Variants in TAF3 observed in about 807,000 individuals in gnomAD.
TAF3 encodes transcription initiation factor TFIID subunit 3.
In TAF3, 7 loss-of-function variants were observed where a neutral mutation model predicts 80.6. The observed-to-expected ratio is 0.09, with a 90% CI of 0.05 to 0.16. TAF3 has a LOEUF of 0.16. TAF3 is among the 10% of genes least tolerant of loss of function. TAF3 has a pLI of 1.00. For synonymous variants in TAF3, 444 were observed against 446.1 expected, an observed-to-expected ratio of 1.00 and a Z score of 0.06; for missense variants, 921 against 1,140.2, an observed-to-expected ratio of 0.81 and a Z score of 2.77.
chr10:7,996,891 C>G (rs970978755), intron 4 of TAF3, among the ~76,000 whole-genome samples: 1 of 149,334 alleles, frequency 6.7e-6, no homozygotes. Context: ...ACGAGGTTTC[C>G]CTATGTTGCC....
intron 2 of TAF3, among the ~76,000 whole-genome samples, chr10:7,956,656 A>G (rs1838138816): frequency 6.6e-6 from 1 of 152,216 alleles, no homozygotes; most frequent in Non-Finnish European, 1.5e-5. Context: ...GTGAATCTCT[A>G]GCTGTGGTGA....
chr10:7,885,669 CTT>C (rs2131158482), intron 2 of TAF3, among the ~76,000 whole-genome samples: 1 of 152,248 alleles, frequency 6.6e-6, no homozygotes, highest in South Asian at 2.1e-4. Context: ...CTTTCTGTGC[CTT>C]TTTGTTACTT....
intron 2 of TAF3, among the ~76,000 whole-genome samples, chr10:7,933,222 C>T (rs769766088): frequency 5.3e-5 from 8 of 152,056 alleles, no homozygotes; most frequent in Non-Finnish European, 7.4e-5. Context: ...GGAATGCAAA[C>T]GCTATGGCAT....
chr10:7,890,577 ACT>A (rs1382773603), intron 2 of TAF3, among the ~76,000 whole-genome samples: 2 of 152,130 alleles, frequency 1.3e-5, no homozygotes, highest in African/African-American at 4.8e-5. Flanking sequence ...TACAGTCAAG[ACT>A]CTTTCTGTGA....
chr10:7,982,598 C>T (rs1479710772), intron 4 of TAF3, among the ~76,000 whole-genome samples: 1 of 152,152 alleles, frequency 6.6e-6, no homozygotes, highest in African/African-American at 2.4e-5. Flanking sequence ...TGGGGTTTCA[C>T]CATGTTGCCC....
rs79484260 is a variant in TAF3 at position 7,968,775 on chromosome 10, T to C, written c.2232+3033T>C. Among the ~76,000 whole-genome samples, 412 of 152,326 alleles carry C rather than the reference T, an allele frequency of 2.7e-3. 4 individuals carry two copies. The highest frequency in any genetic ancestry group is 9.2e-3 in the African/African-American group (384 of 41,578). On this transcript the variant is annotated intron_variant, in intron 3 of 6. Coordinates refer to ENST00000344293, the MANE Select transcript of TAF3 (RefSeq NM_031923.4). The stretch of plus-strand genomic sequence containing the variant: ...TTTCAATCCAGGCTGTCAGATGCTA[T>C]AATTTATGGTCCTCACTACCACACT...
At chr10:7,934,594 G>A (rs1588557408) in intron 2 of TAF3, among the ~76,000 whole-genome samples, 3 of 152,086 alleles carry the variant, frequency 2.0e-5, no homozygotes, top group African/African-American at 2.4e-5. Context: ...ACAAGCACCC[G>A]CCACCACGCC....
At chr10:7,962,775 A>C (rs969967383) in intron 2 of TAF3, among the ~76,000 whole-genome samples, 1 of 152,202 alleles carries the variant, frequency 6.6e-6, no homozygotes, top group African/African-American at 2.4e-5. Context: ...TGTGGCACTG[A>C]TCACTTTCTG....
At chr10:7,827,356 G>T (rs977919582) in intron 2 of TAF3, among the ~76,000 whole-genome samples, 5 of 152,138 alleles carry the variant, frequency 3.3e-5, no homozygotes, top group African/African-American at 9.7e-5. Context: ...TATAAAATTG[G>T]ACAGTGTTTA....
intron 2 of TAF3, among the ~76,000 whole-genome samples, chr10:7,830,587 G>A (rs758142881): frequency 2.9e-5 from 4 of 139,292 alleles, no homozygotes; most frequent in African/African-American, 7.9e-5. Flanking sequence ...GGGTTCAAGC[G>A]ATTCTCCTGC....
intron 4 of TAF3, among the ~76,000 whole-genome samples, chr10:7,999,679 A>T (rs1588345471): frequency 1.3e-5 from 2 of 152,036 alleles, no homozygotes; most frequent in Non-Finnish European, 2.9e-5. Context: ...CTGGTCTCAA[A>T]CTCCTGACCT....
rs796209179 is a variant in TAF3, at chr10:7,881,262, A to AC, written c.409+56705dup. ...CTCAAAAAAAAAAAACAAAAAAAAA[A>AC]CCCACAAGCTCTTTTAATATACTGT... On this transcript the variant is annotated intron_variant, in intron 2 of 6. Transcript: ENST00000344293. Among the ~76,000 whole-genome samples the AC allele has an allele frequency of 5.4e-3, 817 of 151,146 alleles. 11 individuals are homozygous for AC. Among genetic ancestry groups the AC allele is most frequent in the African/African-American group, 0.018 (760 of 41,238 alleles).
rs189827101 is a variant in TAF3 at position 7,949,995 on chromosome 10, T to G, written c.410-13925T>G. On this transcript the variant is annotated intron_variant, in intron 2 of 6. Coordinates refer to ENST00000344293, the MANE Select transcript of TAF3 (RefSeq NM_031923.4). ...TTTTTGTTTTCACATTTTAATAAAT[T>G]AGAGTCAATGATACATGGTGAAATC... is the stretch of plus-strand genomic sequence containing the variant. Among the ~76,000 whole-genome samples the G allele has an allele frequency of 9.2e-5, 14 of 152,342 alleles. No homozygotes were observed. The East Asian group carries it at 2.7e-3, about 29-fold the overall frequency.
chr10:8,013,462 A>T (rs980250896), intron 5 of TAF3, among the ~76,000 whole-genome samples: 1 of 152,130 alleles, frequency 6.6e-6, no homozygotes, highest in Non-Finnish European at 1.5e-5. Flanking sequence ...AGAGATGATT[A>T]TAAAATGCTT....
rs1350599771 is a variant in TAF3, at chr10:7,880,891, T to A, written c.409+56331T>A. Among the ~76,000 whole-genome samples, 3 of 152,210 alleles carry A rather than the reference T, an allele frequency of 2.0e-5. No individual in the cohort carries two copies. In the South Asian group the frequency reaches 6.2e-4, roughly 31 times the overall value. ...TAATTTTCTGCTAATCCAGCACATC[T>A]GTGTTTAGAGGAACAAACAGAAATA... On this transcript the variant is annotated intron_variant, in intron 2 of 6. Transcript: ENST00000344293.
chr10:7,962,183 T>G lies in TAF3; in HGVS notation c.410-1737T>G, dbSNP rs17143144. 4.3e-3 allele frequency among the ~76,000 whole-genome samples: 648 copies of G among 152,328 alleles called. 3 individuals carry two copies. Among genetic ancestry groups the G allele is most frequent in the African/African-American group, 0.014 (587 of 41,590 alleles). ...AAGCTTTGAAATTGTGTTTGAGTCC[T>G]TGCTCAAGTCTTATACCCTAATCAT... On this transcript the variant is annotated intron_variant, in intron 2 of 6. Transcript: ENST00000344293.
intron 4 of TAF3, among the ~76,000 whole-genome samples, chr10:7,983,743 G>A (rs1406795578): frequency 1.3e-5 from 2 of 152,128 alleles, no homozygotes; most frequent in African/African-American, 4.8e-5. Flanking sequence ...GGAGGCTGAG[G>A]CAAGAGGATT....
intron 4 of TAF3, among the ~76,000 whole-genome samples, chr10:7,978,593 G>A (rs764240545): frequency 1.2e-4 from 19 of 152,132 alleles, no homozygotes; most frequent in Non-Finnish European, 2.4e-4. Flanking sequence ...CAGCTATCTG[G>A]TATACCTAAT....
rs375205130 is a variant in TAF3 at position 7,969,706 on chromosome 10, G to T, written c.2232+3964G>T. Among the ~76,000 whole-genome samples, 4 of 152,210 alleles carry T rather than the reference G, an allele frequency of 2.6e-5. 1 individual carries two copies. Among genetic ancestry groups the T allele is most frequent in the South Asian group, 2.1e-4 (1 of 4,816 alleles). ...AAGTGGGGGATCTGTTTTTACATTCGAATATGATCTGGAAAGGCACAGTAG... is the reference window on the plus strand; with the variant it reads ...AAGTGGGGGATCTGTTTTTACATTCTAATATGATCTGGAAAGGCACAGTAG... On this transcript the variant is annotated intron_variant, in intron 3 of 6. Transcript: ENST00000344293.
Sources: gnomAD v4.1 joint callset for allele counts (sites outside exome capture counted in the v4.1 genomes callset) on GRCh38, gnomAD v4.1.1 for gene constraint, MANE v1.5 for transcripts, NCBI Gene and HGNC (gene_info 2026-07-23, HGNC 2026-07-21) for gene names.